Variants in TTC28 observed in about 807,000 individuals in gnomAD.
TTC28 encodes the protein tetratricopeptide repeat domain 28, also known as tetratricopeptide repeat protein 28.
A neutral mutation model predicts 198.0 loss-of-function variants in TTC28; 61 were observed. The observed-to-expected ratio is 0.31, with a 90% CI of 0.25 to 0.38. The LOEUF is 0.38. Ranked by LOEUF, TTC28 falls within the 10% of genes least tolerant of loss-of-function variation. TTC28 has a pLI of 1.00. For missense variants in TTC28, 2,678 were observed against 3,164.0 expected, an observed-to-expected ratio of 0.85 and a Z score of 3.69; for synonymous variants, 1,171 against 1,297.8, an observed-to-expected ratio of 0.90 and a Z score of 2.10.
At chr22:28,117,014 C>G (rs1942651787) in intron 6 of TTC28, among the ~76,000 whole-genome samples, 1 of 152,200 alleles carries the variant, frequency 6.6e-6, no homozygotes, top group African/African-American at 2.4e-5. Flanking sequence ...ATCTGGATCT[C>G]TTCCACGTTC....
chr22:28,120,155 C>T (rs1942746425), intron 6 of TTC28, among the ~76,000 whole-genome samples: 1 of 152,080 alleles, frequency 6.6e-6, no homozygotes, highest in Non-Finnish European at 1.5e-5. Context: ...TCTCATGACA[C>T]GGCACAAAAT....
At chr22:28,677,958 G>A (rs2052028224) in intron 1 of TTC28, among the ~76,000 whole-genome samples, 1 of 151,370 alleles carries the variant, frequency 6.6e-6, no homozygotes, top group African/African-American at 2.4e-5. Context: ...AGAAAAAGAA[G>A]AAAATTTAAA....
intron 19 of TTC28, among the ~76,000 whole-genome samples, chr22:27,991,745 C>G (rs1453482532): frequency 2.0e-5 from 3 of 152,218 alleles, no homozygotes; most frequent in Admixed American, 2.0e-4. Flanking sequence ...TGGTCCAGAC[C>G]CTCACTGGCC....
intron 2 of TTC28, among the ~76,000 whole-genome samples, chr22:28,487,642 CATAATT>C (rs2048328712): frequency 1.3e-5 from 2 of 152,124 alleles, no homozygotes; most frequent in African/African-American, 4.8e-5. Context: ...ATATAACTGA[CATAATT>C]ATAAGAGATA....
At chr22:28,123,240 GTTT>G (rs896857365) in intron 6 of TTC28, among the ~76,000 whole-genome samples, 8 of 147,228 alleles carry the variant, frequency 5.4e-5, no homozygotes, top group African/African-American at 2.0e-4. Flanking sequence ...ACTGTTTCAG[GTTT>G]TTTTTTTTGT....
chr22:28,393,728 G>A (rs2146078430), intron 2 of TTC28, among the ~76,000 whole-genome samples: 1 of 152,128 alleles, frequency 6.6e-6, no homozygotes, highest in Admixed American at 6.5e-5. Context: ...AAGCAAAACG[G>A]CTTCAGCTTG....
Position 28,439,556 on chromosome 22 carries a change from A to G in TTC28, c.382-132913T>C, listed in dbSNP as rs1025845607. On this transcript the variant is annotated intron_variant, in intron 2 of 22. Transcript: ENST00000397906. ...GTCCAATCCTAGCTGTGATCCTACC[A>G]TGCTATGTGACTGGGTAAGTCACTT... Among the ~76,000 whole-genome samples the G allele has an allele frequency of 5.3e-5, 8 of 152,362 alleles. No individual in the cohort carries two copies. The South Asian group carries it at 1.7e-3, about 32-fold the overall frequency.
intron 12 of TTC28, among the ~76,000 whole-genome samples, chr22:28,033,016 C>T (rs1939195540): frequency 6.6e-6 from 1 of 152,148 alleles, no homozygotes; most frequent in Non-Finnish European, 1.5e-5. Flanking sequence ...TCAACAAGCT[C>T]CTCTGTCCAG....
At chr22:28,495,753 G>A (rs1431721595) in intron 2 of TTC28, among the ~76,000 whole-genome samples, 1 of 152,118 alleles carries the variant, frequency 6.6e-6, no homozygotes, top group Non-Finnish European at 1.5e-5. Flanking sequence ...ATTTCTTCAA[G>A]AAGATAAAAT....
chr22:28,318,446 C>A (rs2045387623), intron 2 of TTC28, among the ~76,000 whole-genome samples: 1 of 152,174 alleles, frequency 6.6e-6, no homozygotes, highest in South Asian at 2.1e-4. Flanking sequence ...GAAAGAAAAA[C>A]CAAAACAAAT....
At chr22:28,081,411 T>G (rs975511685) in intron 12 of TTC28, among the ~76,000 whole-genome samples, 1 of 152,102 alleles carries the variant, frequency 6.6e-6, no homozygotes, top group African/African-American at 2.4e-5. Flanking sequence ...TTCCTTAAGA[T>G]TGCCTTAGCT....
intron 5 of TTC28, among the ~76,000 whole-genome samples, chr22:28,173,103 A>T (rs575975379): frequency 6.6e-6 from 1 of 152,322 alleles, no homozygotes; most frequent in African/African-American, 2.4e-5. Context: ...TGAAAACATC[A>T]ATCATTATGA....
chr22:28,168,430 G>C (rs1247188863), intron 5 of TTC28, among the ~76,000 whole-genome samples: 1 of 152,134 alleles, frequency 6.6e-6, no homozygotes, highest in Non-Finnish European at 1.5e-5. Context: ...TATACTACAA[G>C]GCTACAGTAA....
chr22:28,549,928 GAA>G (rs1569018633), intron 2 of TTC28, among the ~76,000 whole-genome samples: 1 of 152,132 alleles, frequency 6.6e-6, no homozygotes. Flanking sequence ...CTTCTAAATT[GAA>G]AAGTCAAAGC....
chr22:28,163,531 C>T lies in TTC28; in HGVS notation c.1002G>A (p.Leu334=). ...YTAIGDYPNA[L]ASHKQCVLLA... The stretch of plus-strand genomic sequence containing the variant: ...GAAGAACACACTGTTTGTGACTGGC[C>T]AGTGCATTGGGGTAGTCTCCAATGG... The change falls in exon 6 of 23, where the codon CTG becomes CTA. Residue 334 remains leucine, a synonymous_variant. Transcript: ENST00000397906. 1 of 1,551,682 alleles carries T rather than the reference C, an allele frequency of 6.4e-7. No homozygotes were observed. Among genetic ancestry groups the T allele is most frequent in the Non-Finnish European group, 8.7e-7 (1 of 1,146,974 alleles).
At chr22:28,262,025 T>C (rs895315965) in intron 5 of TTC28, among the ~76,000 whole-genome samples, 23 of 152,162 alleles carry the variant, frequency 1.5e-4, no homozygotes, top group Admixed American at 1.0e-3. Flanking sequence ...AAGTTTGTTA[T>C]GAAAAATAGA....
Position 28,108,175 on chromosome 22 carries a change from T to C in TTC28, c.1670A>G (p.His557Arg), listed in dbSNP as rs1297711197. Residue 557 changes from histidine to arginine, a missense_variant, in exon 7 of 23, where the codon CAT becomes CGT. Physicochemically the swap from His to Arg is conservative, Grantham distance 29. This residue lies in a region of TTC28 where 775 missense variants were observed against 845.9 expected (regional missense o/e 0.92). Coordinates refer to ENST00000397906, the MANE Select transcript of TTC28 (RefSeq NM_001145418.2). ...VNDRASQAST[H>R]GNLAVAYQAL... is the part of the protein sequence containing the mutation. Reference sequence around the variant, plus strand: ...CTGGTAGGCCACGGCAAGGTTCCCATGTGTGGAGGCCTGTGAGGCGCGGTC... The same window carrying C: ...CTGGTAGGCCACGGCAAGGTTCCCACGTGTGGAGGCCTGTGAGGCGCGGTC... 4 of 1,551,680 alleles carry C rather than the reference T, an allele frequency of 2.6e-6. No individual in the cohort carries two copies. In the Admixed American group the frequency reaches 7.8e-5, roughly 30 times the overall value.
chr22:28,163,453 C>A lies in TTC28; in HGVS notation c.1080G>T (p.Met360Ile). Residue 360 changes from methionine to isoleucine, a missense_variant, in exon 6 of 23, where the codon ATG (methionine) becomes ATT (isoleucine). This residue lies in a region of TTC28 where 775 missense variants were observed against 845.9 expected (regional missense o/e 0.92). Transcript: ENST00000397906. ...ELSEARELGN[M>I]GAVYIAMGDF... is the part of the protein sequence containing the mutation. ...CACCCATGGCAATATACACAGCTCC[C>A]ATGTTGCCAAGTTCTCGGGCTTCAG... 1.3e-6 allele frequency: 2 copies of A among 1,551,760 alleles called. No individual in the cohort carries two copies. The highest frequency in any genetic ancestry group is 1.7e-6 in the Non-Finnish European group (2 of 1,147,024).
At chr22:28,432,635 A>G (rs1029953565) in intron 2 of TTC28, among the ~76,000 whole-genome samples, 2 of 152,226 alleles carry the variant, frequency 1.3e-5, no homozygotes, top group Non-Finnish European at 2.9e-5. Context: ...CCACGCTAGC[A>G]TCAGAAATAA....
Sources: allele counts gnomAD v4.1 joint callset (sites outside exome capture counted in the v4.1 genomes callset), GRCh38; gene constraint gnomAD v4.1.1; regional missense constraint gnomAD v4.1.1; transcripts MANE v1.5; gene names NCBI Gene and HGNC (gene_info 2026-07-23, HGNC 2026-07-21).